CREM: variants seen among roughly 807,000 people sequenced by gnomAD.
CREM encodes cAMP responsive element modulator.
Under a neutral mutation model 37.3 loss-of-function variants are expected in CREM, and 13 were observed. That is an observed-to-expected ratio of 0.35 (90% CI 0.23 to 0.55). The LOEUF (loss-of-function observed/expected upper bound fraction) is 0.55. Ranked by LOEUF, CREM falls within the 20% of genes least tolerant of loss-of-function variation. The probability of loss-of-function intolerance (pLI) is 0.88; values close to 1 mark genes in which losing one functional copy is unlikely to be tolerated. For missense variants in CREM, 296 were observed against 362.3 expected (o/e 0.82, Z 1.49); for synonymous variants, 124 against 120.2 (o/e 1.03, Z -0.21).
At chr10:35,181,807 A>C (rs935842155) in intron 5 of CREM, among the ~76,000 whole-genome samples, 3 of 152,178 alleles carry the variant, frequency 2.0e-5, no homozygotes, top group African/African-American at 4.8e-5. Context: ...CAGGAGTTTG[A>C]GGCTGCAGTG....
chr10:35,190,380 A>G (rs553677150), intron 6 of CREM, among the ~76,000 whole-genome samples: 65 of 152,262 alleles, frequency 4.3e-4, no homozygotes, highest in Non-Finnish European at 8.5e-4. Flanking sequence ...GCCACTCCCA[A>G]GGGTTTGTTG....
At chr10:35,149,684 A>T (rs1451003311) in intron 3 of CREM, among the ~76,000 whole-genome samples, 1 of 152,014 alleles carries the variant, frequency 6.6e-6, no homozygotes, top group East Asian at 1.9e-4. Context: ...AACACCAGGC[A>T]CTTCTTGGGT....
At chr10:35,137,675 C>T in intron 1 of CREM, 107 bp from the exon 2 acceptor site, 1 of 431,846 alleles carries the variant, frequency 2.3e-6, no homozygotes, top group Non-Finnish European at 4.0e-6. Context: ...TTAGAATATT[C>T]TTCCTGGCCT....
intron 2 of CREM, among the ~76,000 whole-genome samples, chr10:35,139,656 A>G (rs1238814733): frequency 6.6e-6 from 1 of 152,224 alleles, no homozygotes; most frequent in African/African-American, 2.4e-5. Context: ...ATTAAAGACT[A>G]TTAGTTTTAG....
intron 1 of CREM, among the ~76,000 whole-genome samples, chr10:35,135,739 AAAAAG>A (rs1223645927): frequency 1.4e-4 from 16 of 114,710 alleles, no homozygotes; most frequent in African/African-American, 4.0e-4. Flanking sequence ...AAAAAAAAAA[AAAAAG>A]AGAGACATTA....
chr10:35,127,511 G>A (rs1372070254), intron 1 of CREM: 1 of 152,344 alleles, frequency 6.6e-6, no homozygotes, highest in Non-Finnish European at 1.5e-5. Context: ...TCCTCCCTGA[G>A]AGAGCCGTGC....
chr10:35,177,879 T>G (rs937414907), intron 3 of CREM, among the ~76,000 whole-genome samples: 1 of 152,194 alleles, frequency 6.6e-6, no homozygotes, highest in African/African-American at 2.4e-5. Flanking sequence ...TTGGTGGTGA[T>G]ATATGATTAT....
chr10:35,135,040 A>T (rs1321518344), intron 1 of CREM, among the ~76,000 whole-genome samples: 2 of 151,456 alleles, frequency 1.3e-5, no homozygotes, highest in Non-Finnish European at 3.0e-5. Context: ...TCAGTCTCAA[A>T]AAAAAAAAAA....
chr10:35,190,067 G>C (rs906301035), intron 6 of CREM, among the ~76,000 whole-genome samples: 1 of 152,166 alleles, frequency 6.6e-6, no homozygotes, highest in African/African-American at 2.4e-5. Context: ...CCATATTTAT[G>C]TCTAGGTGAA....
At chr10:35,182,290 T>C (rs1011220487) in intron 5 of CREM, among the ~76,000 whole-genome samples, 4 of 152,128 alleles carry the variant, frequency 2.6e-5, no homozygotes, top group African/African-American at 9.7e-5. Flanking sequence ...ATGGAAACAA[T>C]TGCCAGTTTC....
chr10:35,158,411 G>A, intron 3 of CREM: 2 of 290,102 alleles, frequency 6.9e-6, no homozygotes, highest in Non-Finnish European at 6.9e-6. Flanking sequence ...GCTGAAGCAG[G>A]CCAAAGAAGT....
chr10:35,188,889 C>T (rs2094777220), intron 6 of CREM, among the ~76,000 whole-genome samples: 1 of 152,052 alleles, frequency 6.6e-6, no homozygotes, highest in Non-Finnish European at 1.5e-5. Flanking sequence ...AACTCCTGAC[C>T]TCAGATGGAG....
intron 3 of CREM, among the ~76,000 whole-genome samples, chr10:35,161,636 C>T (rs192042029): frequency 6.6e-6 from 1 of 151,480 alleles, no homozygotes; most frequent in African/African-American, 2.4e-5. Context: ...GCACTCCAGC[C>T]TGGGCAACAG....
intron 2 of CREM, among the ~76,000 whole-genome samples, chr10:35,139,354 A>C (rs1214051900): frequency 6.6e-6 from 1 of 152,202 alleles, no homozygotes; most frequent in Non-Finnish European, 1.5e-5. Flanking sequence ...TCCTGACCTC[A>C]GGTGATCCAC....
At chr10:35,211,105 A>T (rs1311154294) in intron 7 of CREM, 149 bp from the exon 8 acceptor site, 2 of 666,710 alleles carry the variant, frequency 3.0e-6, no homozygotes, top group East Asian at 2.9e-5. Flanking sequence ...TACAAAAAGC[A>T]TGTGCCTGGT....
Position 35,179,258 on chromosome 10 carries a change from A to G in CREM, c.391A>G (p.Thr131Ala). The G allele has an allele frequency of 1.2e-6, 2 of 1,614,158 alleles. No individual in the cohort carries two copies. The highest frequency in any genetic ancestry group is 3.3e-4 in the Middle Eastern group (2 of 6,058). ...TMAVPTSIYQTSTGQYIAIAQ... is the reference protein window; with the variant it reads ...TMAVPTSIYQASTGQYIAIAQ... ...GGCAGTACCAACTAGCATATATCAG[A>G]CTAGCACGGGGCAATACAGTATGTA... Residue 131 changes from threonine to alanine, a missense_variant, in exon 5 of 8, where the codon ACT (threonine) becomes GCT (alanine). Transcript: ENST00000685392.
intron 6 of CREM, among the ~76,000 whole-genome samples, chr10:35,189,140 A>C (rs1238864362): frequency 6.6e-6 from 1 of 151,816 alleles, no homozygotes; most frequent in Non-Finnish European, 1.5e-5. Flanking sequence ...ATTTCTAGGC[A>C]ACTCATTTCA....
rs1319827550 is a variant in CREM, at chr10:35,127,091, T to C, written c.-157T>C. On this transcript the variant is annotated 5_prime_UTR_variant, in exon 1 of 8. Coordinates refer to ENST00000685392, the MANE Select transcript of CREM (RefSeq NM_183011.2). ...GGGGCCGCTGCCGGCTCCGGGTTGC[T>C]GGGCGGCGGCGCCGCTGCTGAGCGG... The C allele has an allele frequency of 6.5e-6, 1 of 152,740 alleles. No individual in the cohort carries two copies. Among genetic ancestry groups the C allele is most frequent in the Non-Finnish European group, 1.5e-5 (1 of 68,114 alleles). The allele number at this position is 152,740 out of a possible 1,614,324, so 9.5% of individuals were successfully genotyped here.
rs551214605 is a variant in CREM at position 35,185,465 on chromosome 10, T to C, written c.410-2735T>C. Among the ~76,000 whole-genome samples, 175 of 152,274 alleles carry C rather than the reference T, an allele frequency of 1.1e-3. 1 individual carries two copies. The highest frequency in any genetic ancestry group is 3.9e-3 in the African/African-American group (164 of 41,562). On this transcript the variant is annotated intron_variant, in intron 5 of 7. Coordinates refer to ENST00000685392, the MANE Select transcript of CREM (RefSeq NM_183011.2). ...CCTTGGGCTGCTCTTTCTAAAGCACTATTTCTGTGACATCAAACTAATTAT... is the reference window on the plus strand; with the variant it reads ...CCTTGGGCTGCTCTTTCTAAAGCACCATTTCTGTGACATCAAACTAATTAT...
Sources: gnomAD v4.1 joint callset for allele counts (sites outside exome capture counted in the v4.1 genomes callset) on GRCh38, gnomAD v4.1.1 for gene constraint, MANE v1.5 for transcripts, NCBI Gene and HGNC (gene_info 2026-07-23, HGNC 2026-07-21) for gene names.